Variants in RGS7 observed in about 807,000 individuals in gnomAD.
The protein encoded by RGS7 is regulator of G-protein signaling 7.
Under a neutral mutation model 81.1 loss-of-function variants are expected in RGS7, and 27 were observed. The observed-to-expected ratio is 0.33, with a 90% CI of 0.25 to 0.46. The LOEUF (loss-of-function observed/expected upper bound fraction) is 0.46, where lower values mean the gene tolerates loss of function less well. Among genes scored for constraint, RGS7 ranks in the 20% least tolerant of loss-of-function variants. The pLI, the probability that RGS7 is intolerant of heterozygous loss-of-function variation, is 1.00. For missense variants in RGS7, 396 were observed against 607.4 expected, an observed-to-expected ratio of 0.65 and a Z score of 3.66; for synonymous variants, 208 against 207.7, an observed-to-expected ratio of 1.00 and a Z score of -0.01.
chr1:241,355,829 G>T lies in RGS7; in HGVS notation c.-50-3C>A. ...GATACAAGAATTATCAGTGTGCCCT[G>T]CAAAGGGTCAGAGAGACTTCAGTGA... On this transcript the variant is annotated splice_region_variant and splice_polypyrimidine_tract_variant and intron_variant, in intron 1 of 18. Coordinates refer to ENST00000440928, the MANE Select transcript of RGS7 (RefSeq NM_001364886.1). 6.7e-7 allele frequency: 1 copy of T among 1,489,030 alleles called. No individual in the cohort carries two copies. The highest frequency in any genetic ancestry group is 9.4e-7 in the Non-Finnish European group (1 of 1,066,008). The allele number at this position is 1,489,030 out of a possible 1,614,324, so 92.2% of individuals were successfully genotyped here.
chr1:241,341,053 C>G (rs958140520), intron 2 of RGS7, among the ~76,000 whole-genome samples: 1 of 152,166 alleles, frequency 6.6e-6, no homozygotes, highest in Non-Finnish European at 1.5e-5. Context: ...GGACATCAAG[C>G]CCTATTTTTG....
intron 9 of RGS7, among the ~76,000 whole-genome samples, chr1:240,862,925 A>ATGTGTG (rs150023240): frequency 9.6e-4 from 139 of 144,648 alleles, no homozygotes; most frequent in Admixed American, 1.2e-3. Context: ...TAAACTAAAT[A>ATGTGTG]TGTGTGTGTG....
intron 3 of RGS7, among the ~76,000 whole-genome samples, chr1:240,996,486 G>T (rs1240112340): frequency 6.6e-6 from 1 of 152,116 alleles, no homozygotes; most frequent in Non-Finnish European, 1.5e-5. Flanking sequence ...TCTCTTGTTA[G>T]ATACATACAC....
chr1:240,787,847 A>T (rs1685328040), intron 18 of RGS7, among the ~76,000 whole-genome samples: 1 of 152,228 alleles, frequency 6.6e-6, no homozygotes, highest in East Asian at 1.9e-4. Context: ...TGAGAAAAAA[A>T]ATCCAATTTT....
At chr1:240,977,395 A>G (rs998467703) in intron 4 of RGS7, among the ~76,000 whole-genome samples, 1 of 144,046 alleles carries the variant, frequency 6.9e-6, no homozygotes, top group Non-Finnish European at 1.5e-5. Context: ...ATACACACAT[A>G]TGTGTGTGTG....
At chr1:241,083,237 A>G (rs2063243713) in intron 3 of RGS7, among the ~76,000 whole-genome samples, 2 of 146,522 alleles carry the variant, frequency 1.4e-5, no homozygotes, top group African/African-American at 5.3e-5. Context: ...AAAAAAAAAA[A>G]AAAAGAAAAA....
chr1:241,267,218 C>T (rs758263009), intron 2 of RGS7, among the ~76,000 whole-genome samples: 5 of 152,180 alleles, frequency 3.3e-5, no homozygotes, highest in Non-Finnish European at 7.3e-5. Context: ...GATTTAGGTG[C>T]TCCTGGCTGC....
intron 2 of RGS7, among the ~76,000 whole-genome samples, chr1:241,102,084 T>C (rs1041456097): frequency 1.3e-5 from 2 of 152,202 alleles, no homozygotes; most frequent in African/African-American, 4.8e-5. Context: ...AAAAATAGGA[T>C]TGGTGTTCTA....
At position 241,133,017 on chromosome 1, in the gene RGS7, C is replaced by T. The variant is rs551985153; in HGVS notation, c.79-34255G>A. 2.6e-5 allele frequency among the ~76,000 whole-genome samples: 4 copies of T among 152,142 alleles called. No homozygotes were observed. In the South Asian group the frequency reaches 8.3e-4, roughly 31 times the overall value. On this transcript the variant is annotated intron_variant, in intron 2 of 18. Coordinates refer to ENST00000440928, the MANE Select transcript of RGS7 (RefSeq NM_001364886.1). ...GACCTCGTAATCCGCCTGCCTCAGC[C>T]TCCCAAAGTGCTGGGATTACGGGCC...
chr1:241,317,623 G>C (rs1179833460), intron 2 of RGS7, among the ~76,000 whole-genome samples: 1 of 152,086 alleles, frequency 6.6e-6, no homozygotes, highest in Non-Finnish European at 1.5e-5. Context: ...CCAGCCACCC[G>C]GGATTCCAGT....
At chr1:241,027,089 G>GAT (rs2059828189) in intron 3 of RGS7, among the ~76,000 whole-genome samples, 1 of 151,160 alleles carries the variant, frequency 6.6e-6, no homozygotes. Context: ...TGTAGTTCCA[G>GAT]ATGCTCAGGA....
At chr1:241,179,372 C>G (rs1215618295) in intron 2 of RGS7, among the ~76,000 whole-genome samples, 1 of 152,050 alleles carries the variant, frequency 6.6e-6, no homozygotes, top group Non-Finnish European at 1.5e-5. Flanking sequence ...TGCTGGGATT[C>G]CAGGTGTGAG....
rs374223475 is a variant in RGS7, at chr1:241,030,373, T to TATATATATATATATACACAC, written c.176-47245_176-47244insGTGTGTATATATATATATAT. On this transcript the variant is annotated intron_variant, in intron 3 of 18. Coordinates refer to ENST00000440928, the MANE Select transcript of RGS7 (RefSeq NM_001364886.1). ...CCAGAACTTATAGCATATATATATATACATACACACATACATACACACACA... is the reference window on the plus strand; with the variant it reads ...CCAGAACTTATAGCATATATATATATATATATATATATATACACACACATACACACATACATACACACACA... Among the ~76,000 whole-genome samples, 168 of 135,214 alleles carry TATATATATATATATACACAC rather than the reference T, an allele frequency of 1.2e-3. 2 individuals are homozygous for TATATATATATATATACACAC. Among genetic ancestry groups the TATATATATATATATACACAC allele is most frequent in the African/African-American group, 4.2e-3 (147 of 35,318 alleles). The allele number at this position is 135,214 out of a possible 152,430, so 88.7% of individuals were successfully genotyped here. A position where few individuals can be genotyped will look rare whatever the true frequency, so the allele number is the denominator to read the frequency against.
At chr1:241,172,312 C>T (rs1031216703) in intron 2 of RGS7, among the ~76,000 whole-genome samples, 1 of 152,096 alleles carries the variant, frequency 6.6e-6, no homozygotes, top group East Asian at 1.9e-4. Context: ...TGAATGAACA[C>T]ACCGACTTGG....
chr1:241,157,309 T>G (rs1315515713), intron 2 of RGS7, among the ~76,000 whole-genome samples: 1 of 152,170 alleles, frequency 6.6e-6, no homozygotes, highest in Non-Finnish European at 1.5e-5. Context: ...TGTCAGCTCC[T>G]GAAAAGGCTG....
intron 6 of RGS7, among the ~76,000 whole-genome samples, chr1:240,887,016 C>T (rs10926376): frequency 1.3e-5 from 2 of 151,770 alleles, no homozygotes; most frequent in Non-Finnish European, 2.9e-5. Context: ...AATAAAGATA[C>T]TTGGTGTGTC....
chr1:240,879,974 A>G (rs1037062707), intron 6 of RGS7, among the ~76,000 whole-genome samples: 1 of 152,206 alleles, frequency 6.6e-6, no homozygotes, highest in Non-Finnish European at 1.5e-5. Flanking sequence ...GGTTTTTTTA[A>G]AAAGTCTATA....
At chr1:241,209,617 C>T (rs1195131352) in intron 2 of RGS7, among the ~76,000 whole-genome samples, 3 of 152,124 alleles carry the variant, frequency 2.0e-5, no homozygotes, top group Non-Finnish European at 4.4e-5. Context: ...AGGAGGATCA[C>T]TTGAACCCAG....
chr1:240,836,061 CTAATG>C (rs773758561), intron 9 of RGS7, among the ~76,000 whole-genome samples: 11 of 145,400 alleles, frequency 7.6e-5, no homozygotes, highest in Admixed American at 2.2e-4. Context: ...ACAGTGAACT[CTAATG>C]TAAACTACAG....
Sources: gnomAD v4.1 joint callset for allele counts (sites outside exome capture counted in the v4.1 genomes callset) on GRCh38, gnomAD v4.1.1 for gene constraint, MANE v1.5 for transcripts, NCBI Gene and HGNC (gene_info 2026-07-23, HGNC 2026-07-21) for gene names.